The following TMEM131L variants were observed in gnomAD, a reference collection of about 807,000 sequenced individuals.
TMEM131L encodes the protein transmembrane protein 131-like.
In TMEM131L, 54 loss-of-function variants were observed where a neutral mutation model predicts 192.2. That is an observed-to-expected ratio of 0.28 (90% CI 0.23 to 0.35). TMEM131L has a LOEUF of 0.35. Among genes scored for constraint, TMEM131L ranks in the 10% least tolerant of loss-of-function variants. The pLI, the probability that TMEM131L is intolerant of heterozygous loss-of-function variation, is 1.00. For missense variants in TMEM131L, 1,888 were observed against 1,972.9 expected (o/e 0.96, Z 0.82); for synonymous variants, 701 against 704.9 (o/e 0.99, Z 0.09).
chr4:153,536,015 G>C (rs1440614351), intron 3 of TMEM131L, among the ~76,000 whole-genome samples: 1 of 152,176 alleles, frequency 6.6e-6, no homozygotes, highest in Non-Finnish European at 1.5e-5. Flanking sequence ...GAGAAGGATT[G>C]AATGGACAAA....
intron 3 of TMEM131L, among the ~76,000 whole-genome samples, chr4:153,549,863 A>G (rs1243136276): frequency 6.6e-6 from 1 of 152,254 alleles, no homozygotes; most frequent in Non-Finnish European, 1.5e-5. Context: ...TACATTTGAT[A>G]TGAAGTTCTA....
At chr4:153,525,865 A>T (rs1012961722) in intron 3 of TMEM131L, among the ~76,000 whole-genome samples, 31 of 147,054 alleles carry the variant, frequency 2.1e-4, no homozygotes, top group South Asian at 1.7e-3. Flanking sequence ...TTTTATTTTT[A>T]TTTTTTTTTT....
chr4:153,607,656 A>T (rs1732330409), intron 25 of TMEM131L, among the ~76,000 whole-genome samples: 1 of 152,116 alleles, frequency 6.6e-6, no homozygotes, highest in Non-Finnish European at 1.5e-5. Context: ...ACCTTAAGTG[A>T]TTTTCCTAAC....
intron 16 of TMEM131L, 41 bp downstream of exon 16, chr4:153,589,048 G>C: frequency 9.2e-7 from 1 of 1,086,208 alleles, no homozygotes; most frequent in Non-Finnish European, 1.4e-6. Context: ...GTGGTGGGGA[G>C]ACACTGTTAC....
At chr4:153,632,965 T>C in intron 32 of TMEM131L, 127 bp downstream of exon 32, 1 of 1,065,510 alleles carries the variant, frequency 9.4e-7, no homozygotes, top group Non-Finnish European at 1.3e-6. Context: ...GTACTTTAGC[T>C]GTGCGTTTCC....
chr4:153,562,041 A>ATT (rs754792062), intron 7 of TMEM131L, among the ~76,000 whole-genome samples: 31 of 145,330 alleles, frequency 2.1e-4, no homozygotes, highest in African/African-American at 7.4e-4. Flanking sequence ...TAAATTTTAA[A>ATT]TTTTTTTTTT....
chr4:153,621,662 G>T (rs7663417), intron 27 of TMEM131L, 21 bp from the exon 28 acceptor site: 940,052 of 1,595,472 alleles, frequency 0.59, 276,346 homozygotes, highest in Non-Finnish European at 0.6. Flanking sequence ...GTGTTTTTTT[G>T]TGTGTGTGTG....
At position 153,473,852 on chromosome 4, in the gene TMEM131L, C is replaced by A; in HGVS notation, c.203C>A (p.Ser68Tyr). The part of the protein sequence containing the change: ...GELLLPTQGD[S>Y]EEGLEEPSQE... Reference sequence around the variant, plus strand: ...CATGTTCTTTTTCAATAGGGTGATTCTGAAGAGGGTCTGGAGGAGCCTTCT... The same window carrying A: ...CATGTTCTTTTTCAATAGGGTGATTATGAAGAGGGTCTGGAGGAGCCTTCT... Residue 68 changes from serine (S) to tyrosine (Y), a missense_variant, in exon 3 of 35, where the codon TCT becomes TAT. Ser to Tyr is a moderately radical substitution (Grantham distance 144). Coordinates refer to ENST00000409959, the MANE Select transcript of TMEM131L (RefSeq NM_001131007.2). 1 of 1,543,566 alleles carries A rather than the reference C, an allele frequency of 6.5e-7. No homozygotes were observed. The highest frequency in any genetic ancestry group is 1.2e-5 in the South Asian group (1 of 82,006).
chr4:153,602,621 A>G lies in TMEM131L; in HGVS notation c.2533A>G (p.Thr845Ala). The change falls in exon 23 of 35, where the codon ACT becomes GCT. Residue 845 changes from threonine (T) to alanine (A), a missense_variant. Physicochemically the swap from Thr to Ala is moderately conservative, Grantham distance 58. Coordinates refer to ENST00000409959, the MANE Select transcript of TMEM131L (RefSeq NM_001131007.2). ...CGCAGCGGACCTAGAATTTCGCTTC[A>G]CTCTCAATGTGACTCTCCCTCATCA... ...VTAADLEFRFTLNVTLPHHLL... is the reference protein window; with the variant it reads ...VTAADLEFRFALNVTLPHHLL... 1 of 1,613,954 alleles carries G rather than the reference A, an allele frequency of 6.2e-7. No homozygotes were observed.
intron 29 of TMEM131L, among the ~76,000 whole-genome samples, chr4:153,624,882 G>T (rs1354423084): frequency 6.6e-6 from 1 of 152,174 alleles, no homozygotes; most frequent in Non-Finnish European, 1.5e-5. Flanking sequence ...AGAAAGTCTT[G>T]TCTGAGAGAC....
intron 3 of TMEM131L, among the ~76,000 whole-genome samples, chr4:153,494,722 C>T (rs1196563562): frequency 3.9e-5 from 6 of 152,148 alleles, no homozygotes; most frequent in African/African-American, 9.7e-5. Context: ...TGTCTTCTTG[C>T]AAATGAGGAG....
chr4:153,620,875 C>A lies in TMEM131L; in HGVS notation c.3687C>A (p.Val1229=). The change falls in exon 27 of 35, where the codon GTC becomes GTA. Residue 1229 remains valine, a synonymous_variant. Coordinates refer to ENST00000409959, the MANE Select transcript of TMEM131L (RefSeq NM_001131007.2). Reference sequence around the variant, plus strand: ...ACAAGAAAAGGGGTGTTGCTCCAGTCTCAAGGTGCGTAATTCTTACTATCT... The same window carrying A: ...ACAAGAAAAGGGGTGTTGCTCCAGTATCAAGGTGCGTAATTCTTACTATCT... ...RKNKKRGVAP[V]SRPPEQSDLK... The A allele has an allele frequency of 1.3e-6, 2 of 1,586,532 alleles. No individual in the cohort carries two copies. Among genetic ancestry groups the A allele is most frequent in the South Asian group, 2.3e-5 (2 of 85,196 alleles).
At chr4:153,561,269 T>C (rs555487836) in intron 7 of TMEM131L, among the ~76,000 whole-genome samples, 1 of 152,356 alleles carries the variant, frequency 6.6e-6, no homozygotes, top group Non-Finnish European at 1.5e-5. Flanking sequence ...TATTAAATTC[T>C]GGACATTGGA....
Position 153,632,727 on chromosome 4 carries a change from C to T in TMEM131L, c.4217C>T (p.Ser1406Leu), listed in dbSNP as rs1456564803. The change falls in exon 32 of 35, where the codon TCA becomes TTA. Residue 1406 changes from serine (S) to leucine (L), a missense_variant. By Grantham distance (145) the Ser-to-Leu change is moderately radical (BLOSUM62 -2). Coordinates refer to ENST00000409959, the MANE Select transcript of TMEM131L (RefSeq NM_001131007.2). ...TGVEEDKGLY[S>L]PGDLWPTPPV... Reference sequence around the variant, plus strand: ...TTGTTCTCTTCCGTAGGTCTTTACTCACCTGGAGACCTGTGGCCCACTCCG... The same window carrying T: ...TTGTTCTCTTCCGTAGGTCTTTACTTACCTGGAGACCTGTGGCCCACTCCG... 1.2e-6 allele frequency: 2 copies of T among 1,613,940 alleles called. No individual in the cohort carries two copies. Among genetic ancestry groups the T allele is most frequent in the Admixed American group, 3.3e-5 (2 of 59,992 alleles).
chr4:153,587,594 C>T (rs1730781571), intron 14 of TMEM131L, 148 bp from the exon 15 acceptor site: 10 of 655,224 alleles, frequency 1.5e-5, no homozygotes, highest in Middle Eastern at 3.7e-4. Context: ...TCTGAAAATT[C>T]CTTAACAATT....
intron 3 of TMEM131L, among the ~76,000 whole-genome samples, chr4:153,522,171 G>A (rs988592327): frequency 1.2e-4 from 18 of 152,104 alleles, no homozygotes; most frequent in African/African-American, 3.9e-4. Flanking sequence ...TGAAGGAGCC[G>A]GAGGAGAAAC....
At chr4:153,509,197 C>CA (rs11320393) in intron 3 of TMEM131L, among the ~76,000 whole-genome samples, 17 of 149,746 alleles carry the variant, frequency 1.1e-4, no homozygotes, top group Non-Finnish European at 1.5e-4. Flanking sequence ...ACAACAACAA[C>CA]AAAAAAAACA....
chr4:153,634,288 C>T lies in TMEM131L; in HGVS notation c.4417+8C>T, dbSNP rs1420923469. 1.3e-6 allele frequency: 2 copies of T among 1,598,952 alleles called. No individual in the cohort carries two copies. The highest frequency in any genetic ancestry group is 1.7e-6 in the Non-Finnish European group (2 of 1,166,398). The stretch of plus-strand genomic sequence containing the variant: ...ACAATGCCTTTCCAGAAGGTAAGGG[C>T]TCTTCAGACAATCCCAACGCCATTA... On this transcript the variant is annotated splice_region_variant and intron_variant, in intron 33 of 34. Transcript: ENST00000409959.
chr4:153,503,393 T>G (rs1207579240), intron 3 of TMEM131L, among the ~76,000 whole-genome samples: 2 of 152,194 alleles, frequency 1.3e-5, no homozygotes, highest in Admixed American at 6.5e-5. Flanking sequence ...TCAAGTGACT[T>G]GGCATAAAAG....
Sources: allele counts gnomAD v4.1 joint callset (sites outside exome capture counted in the v4.1 genomes callset), GRCh38; gene constraint gnomAD v4.1.1; transcripts MANE v1.5; gene names NCBI Gene and HGNC (gene_info 2026-07-23, HGNC 2026-07-21).